TMEM201: variants seen among roughly 807,000 people sequenced by gnomAD.
The protein encoded by TMEM201 is transmembrane protein 201, also known as RP13-15M17.2.
Under a neutral mutation model 63.4 loss-of-function variants are expected in TMEM201, and 26 were observed. That is an observed-to-expected ratio of 0.41 (90% CI 0.30 to 0.57). The LOEUF (loss-of-function observed/expected upper bound fraction) is 0.57. Among genes scored for constraint, TMEM201 ranks in the 20% least tolerant of loss-of-function variants. The pLI is 0.29. For missense variants in TMEM201, 794 were observed against 917.7 expected (o/e 0.87, Z 1.74); for synonymous variants, 417 against 421.6 (o/e 0.99, Z 0.14).
Position 9,611,835 on chromosome 1 carries a change from CTG to C in TMEM201, c.1853_1854del (p.Val618GlyfsTer88). 1.3e-6 allele frequency: 2 copies of C among 1,550,780 alleles called. No homozygotes were observed. The highest frequency in any genetic ancestry group is 8.7e-7 in the Non-Finnish European group (1 of 1,146,956). On this transcript the variant is annotated frameshift_variant, in exon 10 of 11. Coordinates refer to ENST00000340381, the MANE Select transcript of TMEM201 (RefSeq NM_001130924.3). LOFTEE classifies it high-confidence loss of function. ...AGGACGACTCTTCCCAGTCATCTAC[CTG>C]TGTGGTGGACACCACCACCAGGGGC... ...KEDDSSQSST[C>X]VVDTTTRGCS...
At chr1:9,606,791 A>T (rs1317789648) in intron 6 of TMEM201, among the ~76,000 whole-genome samples, 1 of 152,212 alleles carries the variant, frequency 6.6e-6, no homozygotes, top group Non-Finnish European at 1.5e-5. Context: ...GATTTGTACC[A>T]TCTCGAGTTA....
intron 9 of TMEM201, chr1:9,611,214 T>C (rs1557563802): frequency 9.7e-6 from 4 of 411,098 alleles, no homozygotes; most frequent in South Asian, 2.1e-5. Flanking sequence ...TTTTTTTTTT[T>C]CGAGATGCAG....
chr1:9,590,890 T>C (rs914771056), intron 1 of TMEM201, among the ~76,000 whole-genome samples: 3 of 152,188 alleles, frequency 2.0e-5, no homozygotes, highest in Non-Finnish European at 4.4e-5. Flanking sequence ...GAACCAAGCA[T>C]TGACTCTGGC....
At position 9,614,555 on chromosome 1, in the gene TMEM201, A is replaced by C. The variant is rs1644365037; in HGVS notation, c.*1472A>C. 6.6e-6 allele frequency: 1 copy of C among 152,122 alleles called. No individual in the cohort carries two copies. Among genetic ancestry groups the C allele is most frequent in the South Asian group, 2.1e-4 (1 of 4,822 alleles). The allele number at this position is 152,122 out of a possible 1,614,324, so 9.4% of individuals were successfully genotyped here. A position where few individuals can be genotyped will look rare whatever the true frequency, so the allele number is the denominator to read the frequency against. ...AGGACTTTTGAGTCCAGCTGCCAGC[A>C]ATGGTTCCAACTCGGAGGCAGCGCC... is the stretch of plus-strand genomic sequence containing the variant. On this transcript the variant is annotated 3_prime_UTR_variant, in exon 11 of 11. Coordinates refer to ENST00000340381, the MANE Select transcript of TMEM201 (RefSeq NM_001130924.3).
At chr1:9,595,391 G>A (rs1643998639) in intron 1 of TMEM201, among the ~76,000 whole-genome samples, 1 of 152,168 alleles carries the variant, frequency 6.6e-6, no homozygotes, top group South Asian at 2.1e-4. Flanking sequence ...AGCACAGGAG[G>A]CCCCTTTCAA....
intron 1 of TMEM201, among the ~76,000 whole-genome samples, chr1:9,594,939 C>T (rs1264527792): frequency 1.3e-5 from 2 of 152,200 alleles, no homozygotes; most frequent in Non-Finnish European, 2.9e-5. Flanking sequence ...GACGGGGGGC[C>T]GTCTGTGCAG....
chr1:9,597,828 C>G (rs1432956174), intron 3 of TMEM201, among the ~76,000 whole-genome samples: 1 of 152,208 alleles, frequency 6.6e-6, no homozygotes, highest in Non-Finnish European at 1.5e-5. Context: ...TTTCGGCATG[C>G]TTGGTCGCAG....
intron 9 of TMEM201, chr1:9,611,098 A>T: frequency 6.8e-7 from 1 of 1,476,904 alleles, no homozygotes. Context: ...AGATAGTTTC[A>T]CTCAAATGGT....
At chr1:9,591,382 C>G (rs1191002605) in intron 1 of TMEM201, among the ~76,000 whole-genome samples, 1 of 152,254 alleles carries the variant, frequency 6.6e-6, no homozygotes, top group Non-Finnish European at 1.5e-5. Flanking sequence ...GCTTCAACCT[C>G]TGGGTGCTCA....
intron 10 of TMEM201, 104 bp downstream of exon 10, chr1:9,611,994 A>G: frequency 2.2e-6 from 3 of 1,351,606 alleles, no homozygotes; most frequent in Non-Finnish European, 2.9e-6. Context: ...CTTCCAGGAC[A>G]TTGCAGTCCC....
At chr1:9,591,168 C>T (rs1211555709) in intron 1 of TMEM201, among the ~76,000 whole-genome samples, 1 of 152,246 alleles carries the variant, frequency 6.6e-6, no homozygotes, top group Admixed American at 6.5e-5. Flanking sequence ...CTCTCGCTTC[C>T]ATGGTTGTTA....
Position 9,610,366 on chromosome 1 carries a change from G to C in TMEM201, c.1466-140G>C, listed in dbSNP as rs975079876. 1.1e-6 allele frequency: 1 copy of C among 890,596 alleles called. No individual in the cohort carries two copies. Among genetic ancestry groups the C allele is most frequent in the Non-Finnish European group, 1.7e-6 (1 of 603,562 alleles). 55.2% of individuals were successfully genotyped at this position (890,596 alleles called of 1,614,324 possible). Reference sequence around the variant, plus strand: ...CCTCTCCTCCTTCAGCTTTGCAGCAGGACTTCCCCCTGTCCCCAGTCTCTG... The same window carrying C: ...CCTCTCCTCCTTCAGCTTTGCAGCACGACTTCCCCCTGTCCCCAGTCTCTG... On this transcript the variant is annotated intron_variant, in intron 8 of 10. Coordinates refer to ENST00000340381, the MANE Select transcript of TMEM201 (RefSeq NM_001130924.3). This position sits in a 1 kb window ranked among gnomAD's most constrained non-coding sequence, Gnocchi z 4.9.
rs115978828 is a variant in TMEM201, at chr1:9,605,511, C to G, written c.1161-2046C>G. ...ACCTTTGGAGTTCTCCAGGGTCCAA[C>G]AGATTGGGCTCCTTTAGCTGGCGGA... On this transcript the variant is annotated intron_variant, in intron 6 of 10. Transcript: ENST00000340381. This position sits in a 1 kb window ranked among gnomAD's most constrained non-coding sequence, Gnocchi z 5.7. Among the ~76,000 whole-genome samples the G allele has an allele frequency of 0.011, 1,714 of 152,306 alleles. 30 individuals carry two copies. Among genetic ancestry groups the G allele is most frequent in the African/African-American group, 0.038 (1,598 of 41,584 alleles).
Position 9,601,233 on chromosome 1 carries a change from T to C in TMEM201, c.735T>C (p.Thr245=). The change falls in exon 5 of 11, where the codon ACT becomes ACC. Residue 245 remains threonine (T), a synonymous_variant. Coordinates refer to ENST00000340381, the MANE Select transcript of TMEM201 (RefSeq NM_001130924.3). ...GCGGACACTTCGCCCCAGGCACCAC[T>C]GTGCCCCTGGCCCTGCCACCTGGTG... ...GASGHFAPGT[T]VPLALPPGGN... The C allele has an allele frequency of 6.2e-7, 1 of 1,611,860 alleles. No homozygotes were observed. Among genetic ancestry groups the C allele is most frequent in the Non-Finnish European group, 8.5e-7 (1 of 1,179,826 alleles).
rs1048155939 is a variant in TMEM201 at position 9,601,571 on chromosome 1, T to A, written c.956+117T>A. The A allele has an allele frequency of 5.0e-6, 5 of 1,001,304 alleles. No homozygotes were observed. The African/African-American group carries it at 8.1e-5, about 16-fold the overall frequency. 62.0% of individuals were successfully genotyped at this position (1,001,304 alleles called of 1,614,324 possible). ...CACAGCCCTAGGCTGAACTCCACCA[T>A]GTCACTGGTACAAGGCTTGGTCCCA... On this transcript the variant is annotated intron_variant, in intron 5 of 10. Transcript: ENST00000340381.
intron 4 of TMEM201, among the ~76,000 whole-genome samples, chr1:9,600,580 A>C (rs538937423): frequency 7.2e-5 from 11 of 152,178 alleles, no homozygotes; most frequent in Non-Finnish European, 1.0e-4. Flanking sequence ...GGAGCAGGGT[A>C]GGGAGGTGGC....
At chr1:9,589,700 G>A (rs1040394488) in intron 1 of TMEM201, among the ~76,000 whole-genome samples, 1 of 152,234 alleles carries the variant, frequency 6.6e-6, no homozygotes, top group African/African-American at 2.4e-5. Flanking sequence ...GTTCAGATCC[G>A]GCCTCTTTCA....
chr1:9,608,963 C>T lies in TMEM201; in HGVS notation c.1394-877C>T, dbSNP rs1209628779. 6.6e-6 allele frequency among the ~76,000 whole-genome samples: 1 copy of T among 152,202 alleles called. No homozygotes were observed. The highest frequency in any genetic ancestry group is 1.5e-5 in the Non-Finnish European group (1 of 68,038). On this transcript the variant is annotated intron_variant, in intron 7 of 10. Transcript: ENST00000340381. This position sits in a 1 kb window ranked among gnomAD's most constrained non-coding sequence, Gnocchi z 4.3. ...GAGGGTGGGTCGGGGGCAGGAGTTCCTGCAGGGCTTTGGCTCATGTATTCA... is the reference window on the plus strand; with the variant it reads ...GAGGGTGGGTCGGGGGCAGGAGTTCTTGCAGGGCTTTGGCTCATGTATTCA...
At chr1:9,593,819 G>C (rs1422634436) in intron 1 of TMEM201, among the ~76,000 whole-genome samples, 11 of 152,214 alleles carry the variant, frequency 7.2e-5, no homozygotes, top group African/African-American at 2.7e-4. Flanking sequence ...GCAGAGCCTT[G>C]TCCGGCTCAG....
Sources: gnomAD v4.1 joint callset for allele counts (sites outside exome capture counted in the v4.1 genomes callset) on GRCh38, gnomAD v4.1.1 for gene constraint, Gnocchi (gnomAD v3.1) non-coding constraint, MANE v1.5 for transcripts, NCBI Gene and HGNC (gene_info 2026-07-23, HGNC 2026-07-21) for gene names.